Variants in CDH15 observed in about 807,000 individuals in gnomAD.
The protein encoded by CDH15 is cadherin 15.
A neutral mutation model predicts 69.4 loss-of-function variants in CDH15; 73 were observed. The ratio of observed to expected loss-of-function variants is 1.05; its 90% CI spans 0.87 to 1.28. The LOEUF (loss-of-function observed/expected upper bound fraction) is 1.28, where lower values mean the gene tolerates loss of function less well. Among genes scored for constraint, CDH15 ranks in the 50% most tolerant of loss-of-function variants. The pLI, the probability that CDH15 is intolerant of heterozygous loss-of-function variation, is 0.00. For synonymous variants in CDH15, 624 were observed against 507.7 expected, an observed-to-expected ratio of 1.23 and a Z score of -3.08; for missense variants, 1,343 against 1,133.6, an observed-to-expected ratio of 1.18 and a Z score of -2.65.
chr16:89,178,250 G>A (rs1349318760), intron 1 of CDH15, among the ~76,000 whole-genome samples: 2 of 152,266 alleles, frequency 1.3e-5, no homozygotes, highest in Middle Eastern at 3.4e-3. Flanking sequence ...ACCGGCCTGA[G>A]GGTCGTCCCG....
In CDH15 at chr16:89,195,192, C is replaced by T. The variant is rs199778532; in HGVS notation, c.*37C>T. On this transcript the variant is annotated 3_prime_UTR_variant, in exon 14 of 14. Transcript: ENST00000289746. The stretch of plus-strand genomic sequence containing the variant: ...AACTGGACATGCCACTCCCCGGCCT[C>T]GTGGCAGTGATGGCCCCTGCAGAGG... 8.5e-6 allele frequency: 13 copies of T among 1,533,268 alleles called. No homozygotes were observed. Among genetic ancestry groups the T allele is most frequent in the Admixed American group, 7.3e-5 (4 of 54,876 alleles). 95.0% of individuals were successfully genotyped at this position (1,533,268 alleles called of 1,614,324 possible).
Position 89,193,789 on chromosome 16 carries a change from C to T in CDH15, c.2027C>T (p.Thr676Ile). 1 of 1,606,350 alleles carries T rather than the reference C, an allele frequency of 6.2e-7. No homozygotes were observed. ...AYDISQLRHP[T>I]ALSLPLGPPP... is the part of the protein sequence containing the mutation. ...GACATCAGCCAGCTGCGTCACCCGA[C>T]AGCGCTGAGCCTGCCTCTGGGACCG... Residue 676 changes from threonine to isoleucine, a missense_variant, in exon 13 of 14, where the codon ACA (threonine) becomes ATA (isoleucine). Coordinates refer to ENST00000289746, the MANE Select transcript of CDH15 (RefSeq NM_004933.3).
chr16:89,171,924 G>T (rs189883676), intron 1 of CDH15, 51 bp downstream of exon 1: 11 of 1,514,764 alleles, frequency 7.3e-6, no homozygotes, highest in Non-Finnish European at 9.8e-6. Flanking sequence ...CGACGCTGCG[G>T]GACAGTGTCT....
chr16:89,179,187 T>G (rs73261995), intron 1 of CDH15, among the ~76,000 whole-genome samples: 1,877 of 152,294 alleles, frequency 0.012, 40 homozygotes, highest in African/African-American at 0.043. Context: ...ACTTGGGGTG[T>G]GGCCACCAAG....
chr16:89,190,452 C>T lies in CDH15; in HGVS notation c.1188C>T (p.Thr396=). ...EGAPPGTLVA[T]FSARDPDTEQ... is the part of the protein sequence containing the mutation. ...CACCCCCAGGCACTCTGGTGGCCAC[C>T]TTCTCTGCCCGGGACCCTGACACAG... is the stretch of plus-strand genomic sequence containing the variant. Residue 396 remains threonine, a synonymous_variant, in exon 8 of 14, where the codon ACC becomes ACT. Transcript: ENST00000289746. The T allele has an allele frequency of 6.2e-7, 1 of 1,604,340 alleles. No individual in the cohort carries two copies. Among genetic ancestry groups the T allele is most frequent in the South Asian group, 1.1e-5 (1 of 89,304 alleles).
chr16:89,185,045 C>A, intron 4 of CDH15, 128 bp from the exon 5 acceptor site: 1 of 856,526 alleles, frequency 1.2e-6, no homozygotes. Context: ...GGACTGACTG[C>A]CCCATCTGGG....
chr16:89,189,881 G>C (rs1915598061), intron 7 of CDH15, among the ~76,000 whole-genome samples: 1 of 152,208 alleles, frequency 6.6e-6, no homozygotes, highest in African/African-American at 2.4e-5. Context: ...ATGCAGTTTT[G>C]CTCTCAAAGC....
Position 89,190,254 on chromosome 16 carries a change from T to C in CDH15, c.990T>C (p.Tyr330=), listed in dbSNP as rs1915605666. Residue 330 remains tyrosine (Y), a synonymous_variant, in exon 8 of 14, where the codon TAT becomes TAC. Transcript: ENST00000289746. ...CTTCCTTCCCTCAGGCCCTGGACTATGAGAGCTGTGAACACTACGAACTCA... is the reference window on the plus strand; with the variant it reads ...CTTCCTTCCCTCAGGCCCTGGACTACGAGAGCTGTGAACACTACGAACTCA... The part of the protein sequence containing the change: ...GVLSIVKALD[Y]ESCEHYELKV... 11 of 1,612,408 alleles carry C rather than the reference T, an allele frequency of 6.8e-6. No homozygotes were observed. Among genetic ancestry groups the C allele is most frequent in the Non-Finnish European group, 9.3e-6 (11 of 1,179,806 alleles).
At chr16:89,173,157 C>G (rs1189147413) in intron 1 of CDH15, among the ~76,000 whole-genome samples, 3 of 152,148 alleles carry the variant, frequency 2.0e-5, no homozygotes, top group African/African-American at 7.2e-5. Flanking sequence ...GCTCAGCATG[C>G]GTGCTCACCC....
chr16:89,175,873 G>A (rs1439663486), intron 1 of CDH15, among the ~76,000 whole-genome samples: 1 of 152,262 alleles, frequency 6.6e-6, no homozygotes, highest in East Asian at 1.9e-4. Context: ...GGCCATGGAG[G>A]AGGGGACTCA....
At chr16:89,172,262 C>T (rs1289618729) in intron 1 of CDH15, among the ~76,000 whole-genome samples, 1 of 151,984 alleles carries the variant, frequency 6.6e-6, no homozygotes, top group Non-Finnish European at 1.5e-5. Context: ...GGGCTGGGGG[C>T]CAGGTTTCTA....
chr16:89,193,686 C>A, intron 12 of CDH15, 69 bp from the exon 13 acceptor site: 1 of 1,571,766 alleles, frequency 6.4e-7, no homozygotes, highest in Non-Finnish European at 8.6e-7. Flanking sequence ...TGGCCAGGAG[C>A]CTGTACCTGA....
chr16:89,188,030 G>T, intron 6 of CDH15, 70 bp from the exon 7 acceptor site: 1 of 1,392,920 alleles, frequency 7.2e-7, no homozygotes, highest in East Asian at 2.5e-5. Flanking sequence ...GTGGGCTGAG[G>T]GCCCTGAGGG....
intron 1 of CDH15, among the ~76,000 whole-genome samples, chr16:89,177,820 G>A (rs571059265): frequency 6.6e-5 from 10 of 152,286 alleles, no homozygotes; most frequent in Admixed American, 6.5e-4. Context: ...GCTTCCACCA[G>A]GCTGTGCTTT....
Position 89,193,746 on chromosome 16 carries a change from C to G in CDH15, c.1993-9C>G. 6.2e-7 allele frequency: 1 copy of G among 1,601,544 alleles called. No individual in the cohort carries two copies. Among genetic ancestry groups the G allele is most frequent in the Non-Finnish European group, 8.5e-7 (1 of 1,177,776 alleles). ...GATGCCTGGCTCTGTTCCACCTCCT[C>G]GCCCACAGGACGCCTACGACATCAG... is the stretch of plus-strand genomic sequence containing the variant. On this transcript the variant is annotated splice_polypyrimidine_tract_variant and intron_variant, in intron 12 of 13. Transcript: ENST00000289746.
chr16:89,173,871 AC>A (rs1915206233), intron 1 of CDH15, among the ~76,000 whole-genome samples: 1 of 152,022 alleles, frequency 6.6e-6, no homozygotes, highest in Non-Finnish European at 1.5e-5. Context: ...CTGGGACCCC[AC>A]CCCAGCTGGG....
At chr16:89,185,367 C>A (rs749029884) in intron 5 of CDH15, 34 bp downstream of exon 5, 11 of 1,566,152 alleles carry the variant, frequency 7.0e-6, no homozygotes, top group Non-Finnish European at 9.5e-6. Context: ...CACACCCGCA[C>A]GGCCAGGGCA....
In CDH15 at chr16:89,194,985, G is replaced by A; in HGVS notation, c.2275G>A (p.Glu759Lys). Residue 759 changes from glutamate to lysine, a missense_variant, in exon 14 of 14, where the codon GAG becomes AAG. By Grantham distance (56) the Glu-to-Lys change is moderately conservative. Transcript: ENST00000289746. The part of the protein sequence containing the change: ...LSSILSSQGD[E>K]DQDYDYLRDW... ...CTCCATCCTGTCCAGCCAGGGCGAT[G>A]AGGACCAGGACTACGACTACCTCAG... 6.2e-7 allele frequency: 1 copy of A among 1,611,690 alleles called. No homozygotes were observed. The highest frequency in any genetic ancestry group is 1.1e-5 in the South Asian group (1 of 90,854).
intron 1 of CDH15, among the ~76,000 whole-genome samples, chr16:89,174,219 G>A (rs536143510): frequency 6.7e-4 from 102 of 152,328 alleles, no homozygotes; most frequent in Middle Eastern, 3.4e-3. Flanking sequence ...TGCTCCAGCC[G>A]CTCTGGGCCA....
Sources: allele counts gnomAD v4.1 joint callset (sites outside exome capture counted in the v4.1 genomes callset), GRCh38; gene constraint gnomAD v4.1.1; transcripts MANE v1.5; gene names NCBI Gene and HGNC (gene_info 2026-07-23, HGNC 2026-07-21).